The following NRXN1 variants were observed in gnomAD, a reference collection of about 807,000 sequenced individuals.
NRXN1 encodes the protein neurexin-1.
Under a neutral mutation model 150.9 loss-of-function variants are expected in NRXN1, and 39 were observed. That is an observed-to-expected ratio of 0.26 (90% CI 0.20 to 0.34). NRXN1 has a LOEUF of 0.34. Ranked by LOEUF, NRXN1 falls within the 10% of genes least tolerant of loss-of-function variation. The pLI is 1.00. For synonymous variants in NRXN1, 924 were observed against 757.0 expected, an observed-to-expected ratio of 1.22 and a Z score of -3.62; for missense variants, 1,815 against 1,949.9, an observed-to-expected ratio of 0.93 and a Z score of 1.30.
intron 17 of NRXN1, among the ~76,000 whole-genome samples, chr2:50,404,493 G>A (rs2082614322): frequency 6.6e-6 from 1 of 152,026 alleles, no homozygotes. Flanking sequence ...TACAATTTAA[G>A]ACACAAAGAG....
intron 13 of NRXN1, among the ~76,000 whole-genome samples, chr2:50,500,706 C>A (rs1196760446): frequency 1.3e-5 from 2 of 152,166 alleles, no homozygotes; most frequent in African/African-American, 4.8e-5. Context: ...AACAAGACAA[C>A]AACCAAAACA....
At chr2:50,368,072 G>A (rs1189061331) in intron 17 of NRXN1, among the ~76,000 whole-genome samples, 6 of 151,986 alleles carry the variant, frequency 3.9e-5, no homozygotes, top group African/African-American at 1.4e-4. Context: ...AGCAAAGACT[G>A]TCTTTGTCAT....
At chr2:49,939,893 T>C (rs1671677775) in intron 22 of NRXN1, among the ~76,000 whole-genome samples, 1 of 152,204 alleles carries the variant, frequency 6.6e-6, no homozygotes, top group African/African-American at 2.4e-5. Context: ...ATGTTGAAGC[T>C]GATAACCCAC....
In NRXN1 at chr2:50,197,390, C is replaced by T. The variant is rs6730360; in HGVS notation, c.3546+39399G>A. Among the ~76,000 whole-genome samples, 741 of 152,140 alleles carry T rather than the reference C, an allele frequency of 4.9e-3. 8 individuals carry two copies. The highest frequency in any genetic ancestry group is 0.017 in the African/African-American group (701 of 41,522). ...GTTTTAGGAACTTAGTTTCCTTTTCCTAAAATGAAGACTTTGGATTAGTCT... is the reference window on the plus strand; with the variant it reads ...GTTTTAGGAACTTAGTTTCCTTTTCTTAAAATGAAGACTTTGGATTAGTCT... On this transcript the variant is annotated intron_variant, in intron 18 of 22. Transcript: ENST00000401669.
chr2:50,631,608 A>G (rs1682335289), intron 5 of NRXN1, among the ~76,000 whole-genome samples: 1 of 151,966 alleles, frequency 6.6e-6, no homozygotes, highest in Non-Finnish European at 1.5e-5. Context: ...AAATTTGAGG[A>G]TATTTCTGCA....
intron 17 of NRXN1, among the ~76,000 whole-genome samples, chr2:50,264,090 C>T (rs1332130961): frequency 1.3e-5 from 2 of 152,080 alleles, no homozygotes; most frequent in East Asian, 1.9e-4. Context: ...GAAATGATTA[C>T]TATCTTATGC....
intron 15 of NRXN1, among the ~76,000 whole-genome samples, chr2:50,482,872 GA>G (rs538229500): frequency 5.3e-5 from 8 of 151,880 alleles, no homozygotes; most frequent in Non-Finnish European, 2.9e-5. Context: ...GTGGCGGGAA[GA>G]AACCCCAACT....
intron 5 of NRXN1, among the ~76,000 whole-genome samples, chr2:50,733,837 T>A (rs779086843): frequency 4.7e-4 from 71 of 152,344 alleles, no homozygotes; most frequent in Non-Finnish European, 9.6e-4. Flanking sequence ...GCAAAGATTA[T>A]AGTTTTAATC....
At chr2:50,107,539 A>ATATATATATATATATATT (rs59921941) in intron 18 of NRXN1, among the ~76,000 whole-genome samples, 2 of 129,872 alleles carry the variant, frequency 1.5e-5, no homozygotes, top group African/African-American at 5.9e-5. Context: ...ATATATATAT[A>ATATATATATATATATATT]TTTTTTTTTT....
chr2:50,782,035 G>T (rs1704418395), intron 5 of NRXN1, among the ~76,000 whole-genome samples: 1 of 152,050 alleles, frequency 6.6e-6, no homozygotes, highest in South Asian at 2.1e-4. Flanking sequence ...ATTTTCTTCT[G>T]CTCTTTTCCT....
At chr2:50,390,917 A>T (rs563943745) in intron 17 of NRXN1, among the ~76,000 whole-genome samples, 55 of 152,304 alleles carry the variant, frequency 3.6e-4, no homozygotes, top group Non-Finnish European at 5.7e-4. Flanking sequence ...ACACAAACAG[A>T]TTAAGAAAAT....
intron 21 of NRXN1, among the ~76,000 whole-genome samples, chr2:50,030,785 A>T (rs569843004): frequency 6.6e-5 from 10 of 152,238 alleles, no homozygotes; most frequent in African/African-American, 2.4e-4. Flanking sequence ...TGTTAGCAGT[A>T]ACTAGTTATG....
intron 2 of NRXN1, among the ~76,000 whole-genome samples, chr2:50,941,810 A>C (rs1689495765): frequency 6.6e-6 from 1 of 152,246 alleles, no homozygotes; most frequent in Non-Finnish European, 1.5e-5. Flanking sequence ...CATGTGGTAG[A>C]AGACAAAAAC....
chr2:50,471,934 T>C (rs1026296815), intron 16 of NRXN1, among the ~76,000 whole-genome samples: 5 of 151,992 alleles, frequency 3.3e-5, no homozygotes, highest in African/African-American at 1.2e-4. Flanking sequence ...AGTTGATTAA[T>C]ACTCGGTGGA....
intron 21 of NRXN1, among the ~76,000 whole-genome samples, chr2:49,992,845 AAAC>A (rs999158723): frequency 1.2e-4 from 18 of 152,202 alleles, no homozygotes; most frequent in African/African-American, 4.1e-4. Flanking sequence ...ATGAAAATTA[AAAC>A]AACAGTAAGA....
chr2:50,908,362 TACACAC>T (rs71404979), intron 5 of NRXN1, among the ~76,000 whole-genome samples: 9 of 148,140 alleles, frequency 6.1e-5, no homozygotes, highest in African/African-American at 2.0e-4. Context: ...CATTCACACA[TACACAC>T]ACACACACAC....
Position 50,013,173 on chromosome 2 carries a change from T to C in NRXN1, c.4128+40098A>G, listed in dbSNP as rs1015146148. On this transcript the variant is annotated intron_variant, in intron 21 of 22. Coordinates refer to ENST00000401669, the MANE Select transcript of NRXN1 (RefSeq NM_001330078.2). Reference sequence around the variant, plus strand: ...TCATTGGTTATCTTTTATATGATCATTTAGCCATTTTAGGCATTATATCTT... The same window carrying C: ...TCATTGGTTATCTTTTATATGATCACTTAGCCATTTTAGGCATTATATCTT... Among the ~76,000 whole-genome samples the C allele has an allele frequency of 9.2e-5, 14 of 152,106 alleles. No homozygotes were observed. In the East Asian group the frequency reaches 2.1e-3, roughly 23 times the overall value.
At chr2:50,114,990 C>A (rs1702844459) in intron 18 of NRXN1, among the ~76,000 whole-genome samples, 1 of 151,658 alleles carries the variant, frequency 6.6e-6, no homozygotes, top group African/African-American at 2.4e-5. Flanking sequence ...CAGGAGTAAA[C>A]CCTAACGTAA....
At chr2:50,711,732 G>C (rs1422926866) in intron 5 of NRXN1, among the ~76,000 whole-genome samples, 1 of 152,098 alleles carries the variant, frequency 6.6e-6, no homozygotes, top group African/African-American at 2.4e-5. Flanking sequence ...AACAGTGTTG[G>C]GAGGTGGGGC....
Sources: gnomAD v4.1 joint callset for allele counts (sites outside exome capture counted in the v4.1 genomes callset) on GRCh38, gnomAD v4.1.1 for gene constraint, MANE v1.5 for transcripts, NCBI Gene and HGNC (gene_info 2026-07-23, HGNC 2026-07-21) for gene names.